Variants in CLCN7 observed in about 807,000 individuals in gnomAD.
CLCN7 encodes the protein H(+)/Cl(-) exchange transporter 7.
Under a neutral mutation model 102.1 loss-of-function variants are expected in CLCN7, and 60 were observed. The observed-to-expected ratio is 0.59, with a 90% confidence interval of 0.48 to 0.73. CLCN7 has a LOEUF of 0.73. Among genes scored for constraint, CLCN7 ranks in the 30% least tolerant of loss-of-function variants. CLCN7 has a pLI of 0.00. For missense variants in CLCN7, 962 were observed against 1,125.7 expected, an observed-to-expected ratio of 0.85 and a Z score of 2.08; for synonymous variants, 560 against 490.5, an observed-to-expected ratio of 1.14 and a Z score of -1.87.
intron 11 of CLCN7, 43 bp downstream of exon 11, chr16:1,455,688 A>G (rs1252549907): frequency 9.4e-6 from 15 of 1,599,082 alleles, no homozygotes; most frequent in Admixed American, 1.7e-5. Context: ...ATGAGAGCGC[A>G]GCATGCACCC....
chr16:1,449,922 G>C (rs1284225462), intron 17 of CLCN7: 1 of 180,592 alleles, frequency 5.5e-6, no homozygotes, highest in Non-Finnish European at 1.2e-5. Flanking sequence ...AGAGCACACG[G>C]GCCTGGGGAG....
chr16:1,449,535 G>A (rs1043422036), intron 17 of CLCN7: 6 of 609,732 alleles, frequency 9.8e-6, no homozygotes, highest in Non-Finnish European at 1.8e-5. Flanking sequence ...CTCAGCACCC[G>A]AGCAACAGGG....
At chr16:1,474,161 T>C (rs1391997693) in intron 1 of CLCN7, 6 of 455,960 alleles carry the variant, frequency 1.3e-5, no homozygotes, top group Non-Finnish European at 2.6e-5. Context: ...ACCTTAACAC[T>C]GCTCAGACGC....
chr16:1,455,818 G>A (rs566842496), intron 10 of CLCN7, 23 bp from the exon 11 acceptor site: 25 of 1,611,902 alleles, frequency 1.6e-5, no homozygotes, highest in East Asian at 6.7e-5. Context: ...CGGCCGGCTC[G>A]GGTGCCAGCT....
chr16:1,446,216 G>T lies in CLCN7; in HGVS notation c.*415C>A. ...AGACTCCACTGGTGTGGAGGCAGAG[G>T]GGCCCTTCCAGGGCAGGGCAGCCCT... On this transcript the variant is annotated 3_prime_UTR_variant, in exon 25 of 25. Transcript: ENST00000382745. 1.6e-6 allele frequency: 1 copy of T among 631,740 alleles called. No homozygotes were observed. The highest frequency in any genetic ancestry group is 2.8e-6 in the Non-Finnish European group (1 of 354,806). The allele number at this position is 631,740 out of a possible 1,614,324, so 39.1% of individuals were successfully genotyped here. A position where few individuals can be genotyped will look rare whatever the true frequency, so the allele number is the denominator to read the frequency against.
intron 17 of CLCN7, chr16:1,449,826 C>A (rs1240371712): frequency 9.6e-6 from 2 of 208,576 alleles, no homozygotes; most frequent in Non-Finnish European, 2.0e-5. Flanking sequence ...CTGAACTGCC[C>A]TCTTTAAAAC....
At chr16:1,453,029 C>T (rs1596216035) in intron 14 of CLCN7, 136 bp from the exon 15 acceptor site, 79 of 1,309,466 alleles carry the variant, frequency 6.0e-5, no homozygotes, top group East Asian at 5.0e-4. Context: ...GTTTTTGAGA[C>T]GGAGTTTTGC....
chr16:1,459,158 C>T lies in CLCN7; in HGVS notation c.624G>A (p.Gln208=). 1 of 1,613,314 alleles carries T rather than the reference C, an allele frequency of 6.2e-7. No individual in the cohort carries two copies. The highest frequency in any genetic ancestry group is 8.5e-7 in the Non-Finnish European group (1 of 1,179,908). ...EPVAAGSGIP[Q]IKCFLNGVKI... is the part of the protein sequence containing the mutation. Reference sequence around the variant, plus strand: ...TCACCCCGTTGAGGAAGCACTTGATCTGGGGGATTCCGCTGCCAGCAGCCA... The same window carrying T: ...TCACCCCGTTGAGGAAGCACTTGATTTGGGGGATTCCGCTGCCAGCAGCCA... Residue 208 remains glutamine, a synonymous_variant, in exon 7 of 25, where the codon CAG becomes CAA. Coordinates refer to ENST00000382745, the MANE Select transcript of CLCN7 (RefSeq NM_001287.6).
chr16:1,449,532 C>T (rs899876548), intron 17 of CLCN7: 1 of 611,636 alleles, frequency 1.6e-6, no homozygotes, highest in Admixed American at 2.7e-5. Context: ...GCGCTCAGCA[C>T]CCGAGCAACA....
rs1484087364 is a variant in CLCN7 at position 1,447,067 on chromosome 16, A to G, written c.2270T>C (p.Val757Ala). The change falls in exon 24 of 25, where the codon GTG (valine) becomes GCG (alanine). Residue 757 changes from valine to alanine, a missense_variant. Around this residue, in one of 2 missense-constraint regions of CLCN7, gnomAD observed 799 missense variants for 988.0 expected, o/e 0.81. Transcript: ENST00000382745. ...TVPQEASLPR[V>A]FKLFRALGLR... ...GCCCAGGGCCCGGAACAGCTTGAAC[A>G]CCCGTGGGAGCGACGCCTCCTGCAG... 6.2e-7 allele frequency: 1 copy of G among 1,601,076 alleles called. No homozygotes were observed. Among genetic ancestry groups the G allele is most frequent in the African/African-American group, 1.3e-5 (1 of 74,702 alleles).
At chr16:1,470,562 T>C (rs778603809) in intron 1 of CLCN7, among the ~76,000 whole-genome samples, 10 of 152,112 alleles carry the variant, frequency 6.6e-5, no homozygotes, top group Non-Finnish European at 1.5e-4. Context: ...AGTGTCCCCA[T>C]GGCGTTAAGG....
Position 1,451,726 on chromosome 16 carries a change from C to A in CLCN7, c.1354-10G>T. Reference sequence around the variant, plus strand: ...CATCTGCACAAAAGAGCTGTGGGGTCGGGAGAGAGCACACGTTGGGAGGGG... The same window carrying A: ...CATCTGCACAAAAGAGCTGTGGGGTAGGGAGAGAGCACACGTTGGGAGGGG... On this transcript the variant is annotated splice_polypyrimidine_tract_variant and intron_variant, in intron 15 of 24. Transcript: ENST00000382745. 4.3e-6 allele frequency: 7 copies of A among 1,610,404 alleles called. No homozygotes were observed. The highest frequency in any genetic ancestry group is 1.1e-5 in the South Asian group (1 of 90,834).
chr16:1,450,328 C>T, intron 17 of CLCN7, 169 bp downstream of exon 17: 1 of 675,574 alleles, frequency 1.5e-6, no homozygotes, highest in East Asian at 2.7e-5. Flanking sequence ...GCCACCACAG[C>T]AGGACAACGC....
At chr16:1,468,130 CAT>C (rs1328958481) in intron 1 of CLCN7, among the ~76,000 whole-genome samples, 1 of 152,130 alleles carries the variant, frequency 6.6e-6, no homozygotes, top group Non-Finnish European at 1.5e-5. Context: ...GCCACAGTCA[CAT>C]GTCCTGGGCG....
chr16:1,460,958 G>C lies in CLCN7; in HGVS notation c.352-10C>G. 6.2e-7 allele frequency: 1 copy of C among 1,612,128 alleles called. No individual in the cohort carries two copies. Among genetic ancestry groups the C allele is most frequent in the Non-Finnish European group, 8.5e-7 (1 of 1,179,806 alleles). On this transcript the variant is annotated splice_polypyrimidine_tract_variant and intron_variant, in intron 4 of 24. Coordinates refer to ENST00000382745, the MANE Select transcript of CLCN7 (RefSeq NM_001287.6). ...CCACCGTCCGGAAGGCCTGCAGGGC[G>C]CGGTCAGGGCGAGGGTCAGGCAGGG...
At chr16:1,471,586 T>C (rs1276629209) in intron 1 of CLCN7, 2 of 152,240 alleles carry the variant, frequency 1.3e-5, no homozygotes, top group Non-Finnish European at 2.9e-5. Flanking sequence ...CGAATCCCTC[T>C]TGTGTTGCTG....
chr16:1,460,671 C>A, intron 5 of CLCN7, 144 bp from the exon 6 acceptor site: 2 of 1,355,730 alleles, frequency 1.5e-6, no homozygotes, highest in East Asian at 4.8e-5. Flanking sequence ...AGACGTCTCA[C>A]GGCCCAACCA....
chr16:1,464,258 A>C (rs947027284), intron 2 of CLCN7, among the ~76,000 whole-genome samples: 4 of 152,188 alleles, frequency 2.6e-5, no homozygotes, highest in Non-Finnish European at 5.9e-5. Context: ...CATAACCAAC[A>C]CGCGTGTGGC....
intron 23 of CLCN7, 47 bp downstream of exon 23, chr16:1,447,345 G>A (rs1459748010): frequency 6.6e-7 from 1 of 1,512,414 alleles, no homozygotes. Flanking sequence ...CCCACCCCCT[G>A]CTGTTCAGTC....
Sources: gnomAD v4.1 joint callset for allele counts (sites outside exome capture counted in the v4.1 genomes callset) on GRCh38, gnomAD v4.1.1 for gene constraint, gnomAD v4.1.1 regional missense constraint, MANE v1.5 for transcripts, NCBI Gene and HGNC (gene_info 2026-07-23, HGNC 2026-07-21) for gene names.